Variants in DMXL1 observed in about 807,000 individuals in gnomAD.
DMXL1 encodes dmX-like protein 1.
In DMXL1, 99 loss-of-function variants were observed where a neutral mutation model predicts 319.2. That is an observed-to-expected ratio of 0.31 (90% CI 0.26 to 0.37). DMXL1 has a LOEUF of 0.37. Among genes scored for constraint, DMXL1 ranks in the 10% least tolerant of loss-of-function variants. The probability of loss-of-function intolerance (pLI) is 1.00; values close to 1 mark genes in which losing one functional copy is unlikely to be tolerated. For synonymous variants in DMXL1, 1,385 were observed against 1,235.2 expected (o/e 1.12, Z -2.54); for missense variants, 3,745 against 3,595.6 (o/e 1.04, Z -1.06).
chr5:119,195,495 T>G (rs1339591853), intron 30 of DMXL1, among the ~76,000 whole-genome samples: 2 of 152,202 alleles, frequency 1.3e-5, no homozygotes, highest in Admixed American at 1.3e-4. Context: ...GGTTATAGTA[T>G]GTGATTTCAC....
intron 8 of DMXL1, among the ~76,000 whole-genome samples, chr5:119,119,758 GC>G (rs533601130): frequency 1.0e-3 from 157 of 152,178 alleles, no homozygotes; most frequent in African/African-American, 3.6e-3. Flanking sequence ...TGATCTACCT[GC>G]CTCGGCCTCC....
In DMXL1 at chr5:119,220,396, A is replaced by G. The variant is rs1018615927; in HGVS notation, c.8014-76A>G. The G allele has an allele frequency of 3.6e-6, 5 of 1,380,898 alleles. No individual in the cohort carries two copies. The Admixed American group carries it at 6.1e-5, about 17-fold the overall frequency. The allele number at this position is 1,380,898 out of a possible 1,614,324, so 85.5% of individuals were successfully genotyped here. ...CACTGCTAGAGGTTATTTCAAAACTACCATTTTCAAAAGCAGCTCATATAC... is the reference window on the plus strand; with the variant it reads ...CACTGCTAGAGGTTATTTCAAAACTGCCATTTTCAAAAGCAGCTCATATAC... On this transcript the variant is annotated intron_variant, in intron 35 of 43. Coordinates refer to ENST00000539542, the MANE Select transcript of DMXL1 (RefSeq NM_001290321.3).
At chr5:119,161,976 G>A (rs191998002) in intron 19 of DMXL1, among the ~76,000 whole-genome samples, 1 of 152,346 alleles carries the variant, frequency 6.6e-6, no homozygotes, top group Admixed American at 6.5e-5. Context: ...CGCAACACCA[G>A]ATGATCTAGC....
intron 13 of DMXL1, among the ~76,000 whole-genome samples, chr5:119,143,237 G>A (rs1216050651): frequency 1.3e-5 from 2 of 151,948 alleles, no homozygotes; most frequent in African/African-American, 4.8e-5. Flanking sequence ...ATTAAAGATT[G>A]AATGCTGGAA....
chr5:119,121,290 T>C, intron 9 of DMXL1, 151 bp downstream of exon 9: 1 of 571,574 alleles, frequency 1.7e-6, no homozygotes, highest in Non-Finnish European at 2.7e-6. Flanking sequence ...TTTAATTTAT[T>C]ATTTATTTTT....
chr5:119,241,458 C>A (rs898239136), intron 42 of DMXL1, among the ~76,000 whole-genome samples: 4 of 150,900 alleles, frequency 2.7e-5, no homozygotes, highest in Non-Finnish European at 5.9e-5. Context: ...TGGTGTGAAC[C>A]CGGGAGGCGG....
intron 1 of DMXL1, among the ~76,000 whole-genome samples, chr5:119,095,285 A>G (rs888514620): frequency 2.0e-5 from 3 of 152,230 alleles, no homozygotes; most frequent in Admixed American, 1.3e-4. Context: ...GAACAAGGGT[A>G]ATTCAGAACT....
intron 19 of DMXL1, among the ~76,000 whole-genome samples, chr5:119,161,479 C>T (rs1288329213): frequency 2.0e-5 from 3 of 152,228 alleles, no homozygotes; most frequent in Admixed American, 6.5e-5. Flanking sequence ...TATAGAAATG[C>T]GTGTTTGAAG....
At chr5:119,195,517 A>G (rs1245183502) in intron 30 of DMXL1, among the ~76,000 whole-genome samples, 1 of 152,214 alleles carries the variant, frequency 6.6e-6, no homozygotes, top group Admixed American at 6.5e-5. Context: ...TACATGAGGT[A>G]CCTAGAATAG....
intron 38 of DMXL1, among the ~76,000 whole-genome samples, chr5:119,229,934 A>C (rs2150659968): frequency 6.6e-6 from 1 of 152,308 alleles, no homozygotes; most frequent in South Asian, 2.1e-4. Context: ...TTCTGCAATA[A>C]GAAGCCAAAA....
intron 2 of DMXL1, among the ~76,000 whole-genome samples, chr5:119,100,981 C>G (rs1243348580): frequency 6.6e-6 from 1 of 151,828 alleles, no homozygotes; most frequent in African/African-American, 2.4e-5. Context: ...CGGGGTTTCA[C>G]CGTGTTAGCC....
intron 1 of DMXL1, among the ~76,000 whole-genome samples, chr5:119,074,874 A>G (rs1022039430): frequency 2.6e-5 from 4 of 152,208 alleles, no homozygotes; most frequent in East Asian, 1.9e-4. Flanking sequence ...TTGATTTCCA[A>G]TGTGGTCCCT....
At chr5:119,141,699 TAC>T (rs918971845) in intron 13 of DMXL1, among the ~76,000 whole-genome samples, 1 of 152,124 alleles carries the variant, frequency 6.6e-6, no homozygotes, top group Non-Finnish European at 1.5e-5. Flanking sequence ...CCCAAAAATT[TAC>T]AGATTCAATG....
intron 4 of DMXL1, 37 bp from the exon 5 acceptor site, chr5:119,110,114 T>C: frequency 6.5e-7 from 1 of 1,540,824 alleles, no homozygotes. Context: ...CACTATTAAA[T>C]ACCTAAATAA....
intron 1 of DMXL1, chr5:119,081,665 G>A: frequency 5.1e-6 from 5 of 985,326 alleles, no homozygotes; most frequent in Non-Finnish European, 6.0e-6. Context: ...AAAGATTGAA[G>A]ACCAACTTAG....
In DMXL1 at chr5:119,170,045, G is replaced by A; in HGVS notation, c.5399-145G>A. The A allele has an allele frequency of 4.5e-6, 3 of 669,414 alleles. 1 individual carries two copies. The South Asian group carries it at 6.7e-5, about 15-fold the overall frequency. The allele number at this position is 669,414 out of a possible 1,614,324, so 41.5% of individuals were successfully genotyped here. On this transcript the variant is annotated intron_variant, in intron 23 of 43. Transcript: ENST00000539542. ...TTATAAATGTGTTGTTGTCTCTTCA[G>A]TGCCATGGATCATTGTGGCCTATTA...
intron 1 of DMXL1, among the ~76,000 whole-genome samples, chr5:119,071,949 T>G (rs1044187324): frequency 6.6e-6 from 1 of 152,182 alleles, no homozygotes; most frequent in Non-Finnish European, 1.5e-5. Context: ...TGTTCAAAAA[T>G]CTTTGTTGAG....
chr5:119,127,676 T>A (rs1182322900), intron 9 of DMXL1: 2 of 179,270 alleles, frequency 1.1e-5, no homozygotes, highest in Non-Finnish European at 2.3e-5. Context: ...TGGCCTCAAG[T>A]GATTTGCCTG....
intron 28 of DMXL1, among the ~76,000 whole-genome samples, chr5:119,179,639 T>C (rs915085822): frequency 2.0e-5 from 3 of 152,214 alleles, no homozygotes; most frequent in Admixed American, 6.5e-5. Context: ...TTAAAAGTTA[T>C]TAGTAGCAAT....
Sources: allele counts gnomAD v4.1 joint callset (sites outside exome capture counted in the v4.1 genomes callset), GRCh38; gene constraint gnomAD v4.1.1; transcripts MANE v1.5; gene names NCBI Gene and HGNC (gene_info 2026-07-23, HGNC 2026-07-21).